Variants in EYS observed in about 807,000 individuals in gnomAD.
EYS encodes protein eyes shut homolog.
A neutral mutation model predicts 282.1 loss-of-function variants in EYS; 250 were observed. The ratio of observed to expected loss-of-function variants is 0.89; its 90% confidence interval spans 0.80 to 0.98. The LOEUF is 0.98. EYS is among the 50% of genes least tolerant of loss of function. The pLI, the probability that EYS is intolerant of heterozygous loss-of-function variation, is 0.00. For missense variants in EYS, 4,016 were observed against 3,709.0 expected (o/e 1.08, Z -2.15); for synonymous variants, 1,355 against 1,282.9 (o/e 1.06, Z -1.20).
intron 35 of EYS, among the ~76,000 whole-genome samples, chr6:63,903,264 C>T (rs948163023): frequency 2.2e-4 from 34 of 152,004 alleles, no homozygotes; most frequent in African/African-American, 8.0e-4. Flanking sequence ...ATATCCTTCA[C>T]GCTAATACAT....
chr6:64,417,634 C>T (rs1163859188), intron 28 of EYS, among the ~76,000 whole-genome samples: 3 of 148,504 alleles, frequency 2.0e-5, no homozygotes, highest in Admixed American at 6.7e-5. Flanking sequence ...TTTTTCAACT[C>T]TAGCAAATAA....
chr6:65,384,555 A>G, intron 7 of EYS, 55 bp from the exon 8 acceptor site: 2 of 895,440 alleles, frequency 2.2e-6, no homozygotes, highest in Non-Finnish European at 3.6e-6. Context: ...TTTTCAGAAA[A>G]GCCTATTAAC....
chr6:64,642,715 AAAC>A (rs1050986940), intron 22 of EYS, among the ~76,000 whole-genome samples: 3 of 152,240 alleles, frequency 2.0e-5, no homozygotes, highest in African/African-American at 4.8e-5. Context: ...AAAAGCAAAC[AAAC>A]AACAACAACA....
At chr6:65,374,211 T>G (rs1765266410) in intron 8 of EYS, among the ~76,000 whole-genome samples, 1 of 152,082 alleles carries the variant, frequency 6.6e-6, no homozygotes, top group African/African-American at 2.4e-5. Context: ...TGGGACTGGT[T>G]AGGCAGTGAG....
intron 31 of EYS, among the ~76,000 whole-genome samples, chr6:64,133,854 CT>C (rs1774072468): frequency 6.9e-6 from 1 of 144,760 alleles, no homozygotes; most frequent in African/African-American, 2.6e-5. Context: ...TTTTTTTTTT[CT>C]TTCTCTTTCC....
chr6:63,740,787 A>C (rs1769055921), intron 41 of EYS, among the ~76,000 whole-genome samples: 1 of 152,188 alleles, frequency 6.6e-6, no homozygotes, highest in Non-Finnish European at 1.5e-5. Flanking sequence ...TTTGGGTGTG[A>C]ATGGGTCTGC....
chr6:64,255,986 G>A (rs1767387019), intron 30 of EYS, among the ~76,000 whole-genome samples: 2 of 151,810 alleles, frequency 1.3e-5, no homozygotes, highest in South Asian at 4.1e-4. Flanking sequence ...ATATTTCCAT[G>A]TGCGACTGTA....
intron 12 of EYS, among the ~76,000 whole-genome samples, chr6:65,230,546 A>G (rs541266046): frequency 6.6e-6 from 1 of 151,984 alleles, no homozygotes; most frequent in African/African-American, 2.4e-5. Flanking sequence ...TTTCAGAGAG[A>G]AAAATTTACT....
chr6:64,691,530 A>G (rs1770382100), intron 22 of EYS, among the ~76,000 whole-genome samples: 1 of 152,170 alleles, frequency 6.6e-6, no homozygotes, highest in Non-Finnish European at 1.5e-5. Flanking sequence ...TCTTTAAGAT[A>G]CAGCAGTTAC....
At chr6:65,366,829 C>T (rs753165260) in intron 8 of EYS, among the ~76,000 whole-genome samples, 23 of 151,550 alleles carry the variant, frequency 1.5e-4, no homozygotes, top group Non-Finnish European at 3.2e-4. Flanking sequence ...TTCTCAGCTT[C>T]TATTGGTAGC....
chr6:64,209,102 A>G (rs1765690468), intron 31 of EYS, among the ~76,000 whole-genome samples: 1 of 152,142 alleles, frequency 6.6e-6, no homozygotes, highest in Admixed American at 6.5e-5. Flanking sequence ...CCAAGCAAAT[A>G]CCAAGGAAAT....
chr6:64,397,865 T>C (rs901494248), intron 28 of EYS, among the ~76,000 whole-genome samples: 8 of 151,952 alleles, frequency 5.3e-5, no homozygotes, highest in Non-Finnish European at 8.8e-5. Context: ...GGATAGAAAA[T>C]TTTTTCTAAA....
At chr6:65,404,098 G>A (rs1437987913) in intron 6 of EYS, among the ~76,000 whole-genome samples, 2 of 151,992 alleles carry the variant, frequency 1.3e-5, no homozygotes, top group East Asian at 3.9e-4. Flanking sequence ...GGCTCTACAG[G>A]AAAATGTTCC....
rs569135846 is a variant in EYS at position 63,873,489 on chromosome 6, G to A, written c.7056-9131C>T. 1.4e-3 allele frequency among the ~76,000 whole-genome samples: 213 copies of A among 152,234 alleles called. 1 individual carries two copies. The highest frequency in any genetic ancestry group is 6.8e-3 in the Middle Eastern group (2 of 294). On this transcript the variant is annotated intron_variant, in intron 35 of 42. Transcript: ENST00000503581. ...CATGTGCATGTGTCTTTATAGTAGC[G>A]TGATTTATATTCCTTTGGATATATG...
At chr6:64,120,880 G>C (rs1773563442) in intron 31 of EYS, among the ~76,000 whole-genome samples, 2 of 152,152 alleles carry the variant, frequency 1.3e-5, no homozygotes, top group African/African-American at 4.8e-5. Flanking sequence ...GTTTCACTGG[G>C]ATGAAATCAA....
At chr6:63,878,778 G>C (rs145806263) in intron 35 of EYS, among the ~76,000 whole-genome samples, 1 of 152,214 alleles carries the variant, frequency 6.6e-6, no homozygotes, top group Non-Finnish European at 1.5e-5. Context: ...CTCTGAGCCA[G>C]GCACGGGATA....
At chr6:64,015,028 A>G (rs1463665442) in intron 33 of EYS, among the ~76,000 whole-genome samples, 1 of 152,190 alleles carries the variant, frequency 6.6e-6, no homozygotes, top group Non-Finnish European at 1.5e-5. Context: ...TTAATGATTG[A>G]AAGAAGAGTT....
chr6:64,896,633 C>T (rs1767478496), intron 18 of EYS, among the ~76,000 whole-genome samples: 1 of 151,770 alleles, frequency 6.6e-6, no homozygotes, highest in Non-Finnish European at 1.5e-5. Flanking sequence ...GGTCTGAAGC[C>T]AGGGAGCCAA....
chr6:64,746,235 A>G (rs1005039949), intron 22 of EYS, among the ~76,000 whole-genome samples: 12 of 152,010 alleles, frequency 7.9e-5, no homozygotes, highest in South Asian at 2.1e-4. Context: ...AGCGATGTTT[A>G]GGCCATAAGG....
Sources: gnomAD v4.1 joint callset for allele counts (sites outside exome capture counted in the v4.1 genomes callset) on GRCh38, gnomAD v4.1.1 for gene constraint, MANE v1.5 for transcripts, NCBI Gene and HGNC (gene_info 2026-07-23, HGNC 2026-07-21) for gene names.